MDGA2: variants seen among roughly 807,000 people sequenced by gnomAD.
MDGA2 encodes the protein MAM domain-containing glycosylphosphatidylinositol anchor protein 2.
In MDGA2, 40 loss-of-function variants were observed where a neutral mutation model predicts 117.8. That is an observed-to-expected ratio of 0.34 (90% CI 0.26 to 0.44). The LOEUF (loss-of-function observed/expected upper bound fraction) is 0.44. Among genes scored for constraint, MDGA2 ranks in the 20% least tolerant of loss-of-function variants. The probability of loss-of-function intolerance (pLI) is 1.00; values close to 1 mark genes in which losing one functional copy is unlikely to be tolerated. For synonymous variants in MDGA2, 452 were observed against 439.0 expected (o/e 1.03, Z -0.37); for missense variants, 1,123 against 1,250.6 (o/e 0.90, Z 1.54).
At chr14:46,981,348 G>A (rs1299227692) in intron 8 of MDGA2, among the ~76,000 whole-genome samples, 2 of 152,028 alleles carry the variant, frequency 1.3e-5, no homozygotes, top group Non-Finnish European at 2.9e-5. Flanking sequence ...AGGTTGCAGT[G>A]AGCAGAGATA....
chr14:47,032,843 AG>A (rs1382028681), intron 8 of MDGA2, among the ~76,000 whole-genome samples: 1 of 152,138 alleles, frequency 6.6e-6, no homozygotes, highest in East Asian at 1.9e-4. Flanking sequence ...TATGGAAGGG[AG>A]GTCCTTGAAA....
intron 1 of MDGA2, among the ~76,000 whole-genome samples, chr14:47,511,810 A>T (rs1272664234): frequency 6.6e-6 from 1 of 152,186 alleles, no homozygotes; most frequent in Non-Finnish European, 1.5e-5. Context: ...TCAGGCAGGA[A>T]GTCTATCTTC....
At chr14:47,153,643 A>C (rs1390347864) in intron 3 of MDGA2, among the ~76,000 whole-genome samples, 1 of 151,634 alleles carries the variant, frequency 6.6e-6, no homozygotes, top group Non-Finnish European at 1.5e-5. Context: ...GAATGGAAAA[A>C]GGGAAGGACC....
intron 8 of MDGA2, among the ~76,000 whole-genome samples, chr14:46,977,669 T>A (rs1886516730): frequency 6.6e-6 from 1 of 151,952 alleles, no homozygotes; most frequent in Admixed American, 6.6e-5. Flanking sequence ...AGACAAATAG[T>A]TTGACAAATG....
At chr14:46,999,425 G>A (rs1333552549) in intron 8 of MDGA2, among the ~76,000 whole-genome samples, 1 of 151,856 alleles carries the variant, frequency 6.6e-6, no homozygotes, top group Non-Finnish European at 1.5e-5. Context: ...ATCATTACTA[G>A]CCCAAATAGG....
At chr14:47,491,336 T>G (rs1894165522) in intron 1 of MDGA2, among the ~76,000 whole-genome samples, 1 of 152,046 alleles carries the variant, frequency 6.6e-6, no homozygotes, top group African/African-American at 2.4e-5. Flanking sequence ...CTGAAGGTCT[T>G]AGGAGTACAG....
chr14:47,600,232 C>T (rs373404119), intron 1 of MDGA2, among the ~76,000 whole-genome samples: 1 of 151,866 alleles, frequency 6.6e-6, no homozygotes, highest in African/African-American at 2.4e-5. Context: ...CCTGTCTGCA[C>T]TAAAAATACA....
At chr14:47,353,539 T>C (rs1890929355) in intron 1 of MDGA2, among the ~76,000 whole-genome samples, 1 of 152,166 alleles carries the variant, frequency 6.6e-6, no homozygotes, top group Non-Finnish European at 1.5e-5. Context: ...AAAGATCTTT[T>C]AGGAGGTGAT....
chr14:47,368,812 T>C (rs2416057), intron 1 of MDGA2, among the ~76,000 whole-genome samples: 149,678 of 152,202 alleles, frequency 0.98, 73,651 homozygotes, highest in East Asian at 1. Context: ...AACATATGCT[T>C]GGAGAAAAGT....
intron 9 of MDGA2, among the ~76,000 whole-genome samples, chr14:46,946,634 C>T (rs1179065605): frequency 6.6e-6 from 1 of 152,038 alleles, no homozygotes; most frequent in Non-Finnish European, 1.5e-5. Context: ...CAAACAGTTA[C>T]ATAATTTCTG....
At chr14:46,869,045 T>C (rs1881891059) in intron 14 of MDGA2, among the ~76,000 whole-genome samples, 1 of 151,940 alleles carries the variant, frequency 6.6e-6, no homozygotes, top group Admixed American at 6.6e-5. Context: ...ATTACCTCTT[T>C]TTCCTCTTAA....
chr14:47,180,091 C>A (rs1452498886), intron 3 of MDGA2, among the ~76,000 whole-genome samples: 2 of 151,954 alleles, frequency 1.3e-5, no homozygotes, highest in Admixed American at 6.6e-5. Context: ...GGTAAAATTG[C>A]GTCATGGGGG....
intron 1 of MDGA2, chr14:47,343,265 A>C (rs1890687666): frequency 8.8e-7 from 1 of 1,140,982 alleles, no homozygotes; most frequent in Non-Finnish European, 1.1e-6. Context: ...CGGGCATTGT[A>C]TTACATCAGG....
At chr14:46,861,190 G>T (rs1417589058) in intron 14 of MDGA2, among the ~76,000 whole-genome samples, 3 of 151,704 alleles carry the variant, frequency 2.0e-5, no homozygotes. Flanking sequence ...AACATTAAAA[G>T]AATATTTTTA....
At chr14:47,088,483 A>T (rs536350067) in intron 6 of MDGA2, among the ~76,000 whole-genome samples, 3 of 152,290 alleles carry the variant, frequency 2.0e-5, no homozygotes, top group Admixed American at 2.0e-4. Flanking sequence ...ATAATGAAAG[A>T]TTATGTAACA....
intron 10 of MDGA2, among the ~76,000 whole-genome samples, chr14:46,897,876 T>A (rs1883141542): frequency 6.6e-6 from 1 of 151,874 alleles, no homozygotes; most frequent in South Asian, 2.1e-4. Flanking sequence ...TCTTTATCTA[T>A]TTTTGGAAAT....
chr14:47,225,713 A>C (rs111650316), intron 2 of MDGA2, among the ~76,000 whole-genome samples: 36 of 152,068 alleles, frequency 2.4e-4, no homozygotes, highest in Non-Finnish European at 4.4e-4. Flanking sequence ...CCTAATGCTA[A>C]ATGACGAGTT....
chr14:47,349,354 C>T (rs1279932348), intron 1 of MDGA2, among the ~76,000 whole-genome samples: 1 of 152,212 alleles, frequency 6.6e-6, no homozygotes, highest in Non-Finnish European at 1.5e-5. Context: ...AACAGTTATG[C>T]ACTTATCATA....
chr14:46,958,361 G>T (rs985590004), intron 8 of MDGA2, among the ~76,000 whole-genome samples: 2 of 152,058 alleles, frequency 1.3e-5, no homozygotes, highest in African/African-American at 2.4e-5. Context: ...GACCATAAGC[G>T]CTTGGGGGGA....
Sources: gnomAD v4.1 joint callset for allele counts (sites outside exome capture counted in the v4.1 genomes callset) on GRCh38, gnomAD v4.1.1 for gene constraint, MANE v1.5 for transcripts, NCBI Gene and HGNC (gene_info 2026-07-23, HGNC 2026-07-21) for gene names.